Variants in INO80 observed in about 807,000 individuals in gnomAD.
The protein encoded by INO80 is chromatin-remodeling ATPase INO80.
INO80 carries 20 observed loss-of-function variants against 203.4 expected under a neutral mutation model. The observed-to-expected ratio is 0.10, with a 90% CI of 0.07 to 0.14. The LOEUF is 0.14. Ranked by LOEUF, INO80 falls within the 10% of genes least tolerant of loss-of-function variation. The pLI is 1.00. For missense variants in INO80, 1,419 were observed against 1,914.4 expected (o/e 0.74, Z 4.83); for synonymous variants, 726 against 685.2 (o/e 1.06, Z -0.93).
At chr15:41,011,758 G>A (rs1475577361) in intron 27 of INO80, 1 of 152,120 alleles carries the variant, frequency 6.6e-6, no homozygotes, top group Non-Finnish European at 1.5e-5. Context: ...TTCTAAGAGA[G>A]GCCAACTCAT....
intron 19 of INO80, among the ~76,000 whole-genome samples, chr15:41,052,596 C>T (rs1479456488): frequency 6.9e-6 from 1 of 144,688 alleles, no homozygotes; most frequent in Non-Finnish European, 1.5e-5. Context: ...CTGCTTGAGC[C>T]AAGGAGGTCA....
chr15:41,014,715 T>C lies in INO80; in HGVS notation c.3402+1373A>G, dbSNP rs2044178591. Among the ~76,000 whole-genome samples the C allele has an allele frequency of 2.6e-5, 4 of 152,178 alleles. No homozygotes were observed. In the South Asian group the frequency reaches 8.3e-4, roughly 32 times the overall value. ...TGACCCCAAAAATCATTTATGTCTCTTGCTAAAAGAAGTTGCCGGATTATT... is the reference window on the plus strand; with the variant it reads ...TGACCCCAAAAATCATTTATGTCTCCTGCTAAAAGAAGTTGCCGGATTATT... On this transcript the variant is annotated intron_variant, in intron 27 of 35. Transcript: ENST00000648947.
Position 40,985,350 on chromosome 15 carries a change from CT to C in INO80, c.3908del (p.Lys1303SerfsTer21). On this transcript the variant is annotated frameshift_variant, in exon 32 of 36. Coordinates refer to ENST00000648947, the MANE Select transcript of INO80 (RefSeq NM_017553.3). LOFTEE classifies it high-confidence loss of function. ...RVKERKRKRE[K>X]YAEKKKKEDE... ...AGGCTGGAAATACCTTCTCTGCATA[CT>C]TTTCCCGCTTCCGCTTGCGCTCTTT... is the stretch of plus-strand genomic sequence containing the variant. The C allele has an allele frequency of 6.2e-7, 1 of 1,613,802 alleles. No individual in the cohort carries two copies. The highest frequency in any genetic ancestry group is 8.5e-7 in the Non-Finnish European group (1 of 1,179,698).
chr15:41,010,917 T>C (rs1362798437), intron 27 of INO80, among the ~76,000 whole-genome samples: 1 of 152,232 alleles, frequency 6.6e-6, no homozygotes, highest in African/African-American at 2.4e-5. Flanking sequence ...TTTTGGGGTA[T>C]ATCATTAGCA....
At chr15:41,107,094 G>C (rs1288699029) in intron 1 of INO80, among the ~76,000 whole-genome samples, 1 of 152,218 alleles carries the variant, frequency 6.6e-6, no homozygotes, top group African/African-American at 2.4e-5. Context: ...CTCCCGTTTA[G>C]CAAGGTTGTT....
chr15:41,055,945 GT>G (rs5812185), intron 17 of INO80, among the ~76,000 whole-genome samples: 33 of 128,568 alleles, frequency 2.6e-4, no homozygotes, highest in African/African-American at 6.5e-4. Flanking sequence ...TCTTCTTTTG[GT>G]TTTTTTTTTT....
At chr15:41,061,180 G>A (rs1469380115) in intron 14 of INO80, among the ~76,000 whole-genome samples, 4 of 152,104 alleles carry the variant, frequency 2.6e-5, no homozygotes, top group Middle Eastern at 3.4e-3. Flanking sequence ...GGTGACACGC[G>A]CCTGCAGTCC....
intron 29 of INO80, among the ~76,000 whole-genome samples, chr15:40,991,851 G>A (rs915492247): frequency 6.6e-6 from 1 of 151,890 alleles, no homozygotes; most frequent in South Asian, 2.1e-4. Context: ...TTGACTCACT[G>A]CAAGCTCCGC....
At chr15:41,056,183 G>A (rs1166117532) in intron 17 of INO80, among the ~76,000 whole-genome samples, 2 of 151,820 alleles carry the variant, frequency 1.3e-5, no homozygotes, top group Non-Finnish European at 2.9e-5. Context: ...TGGGTTCAAG[G>A]CATCCTCCCA....
At chr15:41,075,809 C>T (rs1443407477) in intron 9 of INO80, among the ~76,000 whole-genome samples, 2 of 151,788 alleles carry the variant, frequency 1.3e-5, no homozygotes, top group Non-Finnish European at 2.9e-5. Context: ...CCAGGCTGGT[C>T]TCGAACTCCT....
At chr15:41,059,969 C>A (rs767991574) in intron 14 of INO80, 43 bp from the exon 15 acceptor site, 9 of 1,259,572 alleles carry the variant, frequency 7.1e-6, no homozygotes, top group Non-Finnish European at 9.1e-6. Flanking sequence ...TATAGATGAT[C>A]TTAAAAGTAT....
chr15:41,090,193 T>C (rs549410938), intron 5 of INO80, among the ~76,000 whole-genome samples: 42 of 152,234 alleles, frequency 2.8e-4, no homozygotes, highest in Admixed American at 2.6e-3. Context: ...ATCTTGAAAA[T>C]ATGACATTAA....
chr15:41,021,839 C>T lies in INO80; in HGVS notation c.3049-714G>A, dbSNP rs143394145. ...AAACAACACTCAGCTGCTGCTCACT[C>T]GATGGAGTAGAGGGCTCCTGCCAAT... On this transcript the variant is annotated intron_variant, in intron 25 of 35. Coordinates refer to ENST00000648947, the MANE Select transcript of INO80 (RefSeq NM_017553.3). Among the ~76,000 whole-genome samples the T allele has an allele frequency of 6.6e-4, 101 of 152,316 alleles. 2 individuals are homozygous for T. Among genetic ancestry groups the T allele is most frequent in the African/African-American group, 2.4e-3 (99 of 41,566 alleles).
chr15:41,048,209 T>A lies in INO80; in HGVS notation c.2641+3A>T. The A allele has an allele frequency of 6.2e-7, 1 of 1,610,710 alleles. No individual in the cohort carries two copies. The highest frequency in any genetic ancestry group is 8.5e-7 in the Non-Finnish European group (1 of 1,177,372). On this transcript the variant is annotated splice_donor_region_variant and intron_variant, in intron 22 of 35. Transcript: ENST00000648947. ...CTACTTTCCCAAAGATCAAAACACC[T>A]ACCTTTTCTGTGAAAGAGAGACCGT...
intron 1 of INO80, among the ~76,000 whole-genome samples, chr15:41,107,658 G>T (rs1425275782): frequency 6.6e-6 from 1 of 151,586 alleles, no homozygotes; most frequent in Non-Finnish European, 1.5e-5. Context: ...AAATTAGCTG[G>T]GTGTCCTGGT....
At chr15:41,111,824 T>C (rs2045963575) in intron 1 of INO80, among the ~76,000 whole-genome samples, 1 of 151,090 alleles carries the variant, frequency 6.6e-6, no homozygotes. Context: ...AAAACGTTTT[T>C]GCGGGGAGGA....
Position 41,085,426 on chromosome 15 carries a change from C to T in INO80, c.816G>A (p.Gln272=), listed in dbSNP as rs563205071. ...GTKKKHLSIE[Q]LNARRRKVWL... ...ATACTTTCCTGCGACGAGCATTCAGCTGCTCAATGGATAAGTGCTTTTTCT... is the reference window on the plus strand; with the variant it reads ...ATACTTTCCTGCGACGAGCATTCAGTTGCTCAATGGATAAGTGCTTTTTCT... The change falls in exon 7 of 36, where the codon CAG becomes CAA. Residue 272 remains glutamine, a synonymous_variant. Transcript: ENST00000648947. 7 of 1,614,196 alleles carry T rather than the reference C, an allele frequency of 4.3e-6. No homozygotes were observed. The highest frequency in any genetic ancestry group is 2.7e-5 in the African/African-American group (2 of 75,046).
intron 24 of INO80, among the ~76,000 whole-genome samples, chr15:41,032,529 G>C (rs1287206432): frequency 6.6e-6 from 1 of 152,116 alleles, no homozygotes; most frequent in Non-Finnish European, 1.5e-5. Flanking sequence ...TTTAGTGGAA[G>C]AGTTTTTGAA....
At position 41,044,868 on chromosome 15, in the gene INO80, A is replaced by T. The variant is rs192904469; in HGVS notation, c.2907+36T>A. 6 of 1,555,926 alleles carry T rather than the reference A, an allele frequency of 3.9e-6. No homozygotes were observed. In the East Asian group the frequency reaches 1.4e-4, roughly 35 times the overall value. ...TTATTCAAGGAAAAGGAAAGAAGAT[A>T]CTAAGTAGGTAATTTATGCTCAAAT... On this transcript the variant is annotated intron_variant, in intron 24 of 35. Coordinates refer to ENST00000648947, the MANE Select transcript of INO80 (RefSeq NM_017553.3).
Sources: allele counts gnomAD v4.1 joint callset (sites outside exome capture counted in the v4.1 genomes callset), GRCh38; gene constraint gnomAD v4.1.1; transcripts MANE v1.5; gene names NCBI Gene and HGNC (gene_info 2026-07-23, HGNC 2026-07-21).